TLK1: variants seen among roughly 807,000 people sequenced by gnomAD.
The protein encoded by TLK1 is tousled like kinase 1.
TLK1 carries 24 observed loss-of-function variants against 105.3 expected under a neutral mutation model. The ratio of observed to expected loss-of-function variants is 0.23; its 90% confidence interval spans 0.17 to 0.32. TLK1 has a LOEUF of 0.32. Among genes scored for constraint, TLK1 ranks in the 10% least tolerant of loss-of-function variants. TLK1 has a pLI of 1.00. For synonymous variants in TLK1, 321 were observed against 310.4 expected (o/e 1.03, Z -0.36); for missense variants, 558 against 910.5 (o/e 0.61, Z 4.98).
At chr2:171,040,485 C>T (rs1686610124) in intron 11 of TLK1, among the ~76,000 whole-genome samples, 1 of 152,044 alleles carries the variant, frequency 6.6e-6, no homozygotes, top group Non-Finnish European at 1.5e-5. Context: ...CTGCCCTCCT[C>T]CTCCTCTAAA....
chr2:171,052,799 G>C (rs1324604887), intron 8 of TLK1, among the ~76,000 whole-genome samples: 2 of 152,208 alleles, frequency 1.3e-5, no homozygotes, highest in Non-Finnish European at 2.9e-5. Flanking sequence ...AGACACACTG[G>C]ATGTTTTAAA....
At chr2:171,189,736 C>T (rs758026324) in intron 1 of TLK1, among the ~76,000 whole-genome samples, 23 of 152,164 alleles carry the variant, frequency 1.5e-4, no homozygotes, top group Non-Finnish European at 2.8e-4. Context: ...ATCAGCTGGG[C>T]GCCTTCCATC....
chr2:171,166,314 C>T (rs940394125), intron 1 of TLK1, among the ~76,000 whole-genome samples: 3 of 152,244 alleles, frequency 2.0e-5, no homozygotes, highest in African/African-American at 4.8e-5. Context: ...CTAGCACCTG[C>T]CTGGCATACA....
intron 3 of TLK1, among the ~76,000 whole-genome samples, chr2:171,064,722 G>C (rs986999281): frequency 2.0e-5 from 3 of 152,154 alleles, no homozygotes; most frequent in African/African-American, 7.2e-5. Flanking sequence ...CAGTCATTAG[G>C]AGAAAATGAA....
At chr2:171,027,755 T>G (rs1305709019) in intron 12 of TLK1, among the ~76,000 whole-genome samples, 1 of 152,250 alleles carries the variant, frequency 6.6e-6, no homozygotes, top group East Asian at 1.9e-4. Flanking sequence ...TCTAAAGACC[T>G]TGGAAGTCTG....
At chr2:171,204,977 T>C (rs528925152) in intron 1 of TLK1, among the ~76,000 whole-genome samples, 10 of 151,980 alleles carry the variant, frequency 6.6e-5, no homozygotes, top group African/African-American at 2.2e-4. Flanking sequence ...AAAAAAGATT[T>C]TAAGTAAATA....
chr2:171,126,096 AAAG>A (rs1204760950), intron 1 of TLK1, among the ~76,000 whole-genome samples: 6 of 152,334 alleles, frequency 3.9e-5, no homozygotes, highest in African/African-American at 1.2e-4. Flanking sequence ...TACCATTCTT[AAAG>A]AATAGCCCAT....
intron 1 of TLK1, among the ~76,000 whole-genome samples, chr2:171,131,578 ACTTCATATTT>A (rs567947708): frequency 3.3e-5 from 5 of 152,154 alleles, no homozygotes; most frequent in Admixed American, 6.5e-5. Flanking sequence ...TATATTTCTG[ACTTCATATTT>A]CTTCATATTT....
intron 2 of TLK1, among the ~76,000 whole-genome samples, chr2:171,084,180 C>T (rs373397540): frequency 2.0e-5 from 3 of 151,900 alleles, no homozygotes; most frequent in African/African-American, 2.4e-5. Context: ...GTCTGATAAC[C>T]GAGAACAAAA....
intron 11 of TLK1, among the ~76,000 whole-genome samples, chr2:171,033,495 T>C (rs1238913862): frequency 6.6e-6 from 1 of 151,588 alleles, no homozygotes; most frequent in Non-Finnish European, 1.5e-5. Context: ...TAAGATCTAG[T>C]ATTTGGTAAC....
At chr2:171,027,421 TA>T (rs1559351055) in intron 12 of TLK1, among the ~76,000 whole-genome samples, 1 of 152,294 alleles carries the variant, frequency 6.6e-6, no homozygotes, top group South Asian at 2.1e-4. Context: ...TTAAGACCTG[TA>T]AAAACAATAA....
intron 1 of TLK1, among the ~76,000 whole-genome samples, chr2:171,166,712 C>G (rs756417177): frequency 4.7e-4 from 71 of 152,190 alleles, no homozygotes; most frequent in Non-Finnish European, 8.1e-4. Context: ...CCTGGCAGTT[C>G]CGTTCCAAAG....
intron 1 of TLK1, among the ~76,000 whole-genome samples, chr2:171,195,049 A>C (rs924039127): frequency 6.6e-6 from 1 of 152,018 alleles, no homozygotes; most frequent in African/African-American, 2.4e-5. Flanking sequence ...TCAGCAGCAA[A>C]ATTTCTCTGA....
chr2:171,083,370 A>T (rs1418236122), intron 2 of TLK1, among the ~76,000 whole-genome samples: 1 of 152,098 alleles, frequency 6.6e-6, no homozygotes, highest in Non-Finnish European at 1.5e-5. Flanking sequence ...GACCATCTCG[A>T]CCATTTTAAT....
chr2:171,049,868 CCATGTCTAACTGTTG>C lies in TLK1; in HGVS notation c.911_925del (p.Thr304_Gly309delinsSer), dbSNP rs1423429451. ...TGTCCATTGTTCAGTAAATGAAGCGCCATGTCTAACTGTTGTAAAGTGCCCGAGGCGTAATCGATC... is the reference window on the plus strand; with the variant it reads ...TGTCCATTGTTCAGTAAATGAAGCGCTAAAGTGCCCGAGGCGTAATCGATC... On this transcript the variant is annotated inframe_deletion, in exon 10 of 21. Transcript: ENST00000431350. The C allele has an allele frequency of 6.2e-7, 1 of 1,613,758 alleles. No individual in the cohort carries two copies. The highest frequency in any genetic ancestry group is 8.5e-7 in the Non-Finnish European group (1 of 1,179,954).
Position 171,175,261 on chromosome 2 carries a change from T to A in TLK1, c.-6+55884A>T, listed in dbSNP as rs1692799612. ...AAGTACACTCAGCCCTCCGTATTCA[T>A]GGTATCTATATCCATGGATTTAATC... On this transcript the variant is annotated intron_variant, in intron 1 of 20. Transcript: ENST00000521943. Among the ~76,000 whole-genome samples the A allele has an allele frequency of 3.9e-5, 6 of 152,112 alleles. No individual in the cohort carries two copies. The South Asian group carries it at 1.2e-3, about 32-fold the overall frequency.
intron 2 of TLK1, among the ~76,000 whole-genome samples, chr2:171,109,360 A>C (rs1395774804): frequency 6.6e-6 from 1 of 152,258 alleles, no homozygotes; most frequent in Non-Finnish European, 1.5e-5. Context: ...AAGGAAACAA[A>C]GGTAATTATG....
At chr2:171,062,246 A>G (rs1030757252) in intron 3 of TLK1, among the ~76,000 whole-genome samples, 1 of 152,214 alleles carries the variant, frequency 6.6e-6, no homozygotes, top group Non-Finnish European at 1.5e-5. Flanking sequence ...GAACTTCACA[A>G]GAGCTCCACT....
intron 12 of TLK1, among the ~76,000 whole-genome samples, chr2:171,024,171 A>T (rs1685666772): frequency 6.6e-6 from 1 of 152,152 alleles, no homozygotes. Context: ...AAATAGTTTC[A>T]GGAATAATTT....
Sources: allele counts gnomAD v4.1 joint callset (sites outside exome capture counted in the v4.1 genomes callset), GRCh38; gene constraint gnomAD v4.1.1; transcripts MANE v1.5; gene names NCBI Gene and HGNC (gene_info 2026-07-23, HGNC 2026-07-21).